The following EXD3 variants were observed in gnomAD, a reference collection of about 807,000 sequenced individuals.
EXD3 encodes exonuclease mut-7 homolog.
EXD3 carries 92 observed loss-of-function variants against 98.0 expected under a neutral mutation model. That is an observed-to-expected ratio of 0.94 (90% confidence interval 0.79 to 1.12). EXD3 has a LOEUF of 1.12. Ranked by LOEUF, EXD3 falls within the 50% of genes most tolerant of loss-of-function variation. The pLI is 0.00. For synonymous variants in EXD3, 569 were observed against 526.0 expected, an observed-to-expected ratio of 1.08 and a Z score of -1.12; for missense variants, 1,222 against 1,191.6, an observed-to-expected ratio of 1.03 and a Z score of -0.38.
At chr9:137,321,507 A>G (rs532871140) in intron 19 of EXD3, among the ~76,000 whole-genome samples, 7 of 152,308 alleles carry the variant, frequency 4.6e-5, no homozygotes, top group Admixed American at 1.3e-4. Context: ...ACATGGTGAA[A>G]CCCTGTCTCT....
At chr9:137,345,597 G>A (rs1342233451) in intron 17 of EXD3, 1 of 151,614 alleles carries the variant, frequency 6.6e-6, no homozygotes, top group Non-Finnish European at 1.5e-5. Flanking sequence ...GGGAGGCGGA[G>A]GTTGCAGTGG....
chr9:137,318,546 GT>G (rs988351703), intron 19 of EXD3, among the ~76,000 whole-genome samples: 16 of 151,788 alleles, frequency 1.1e-4, no homozygotes, highest in African/African-American at 2.9e-4. Context: ...CATGGTAAGG[GT>G]TTTTTTTTAA....
intron 3 of EXD3, among the ~76,000 whole-genome samples, chr9:137,381,567 C>T (rs1045300244): frequency 6.6e-6 from 1 of 152,182 alleles, no homozygotes; most frequent in South Asian, 2.1e-4. Context: ...CCTCCTCCTC[C>T]TGCCCGTCTC....
At chr9:137,308,717 A>C (rs1450731321) in intron 20 of EXD3, among the ~76,000 whole-genome samples, 1 of 146,444 alleles carries the variant, frequency 6.8e-6, no homozygotes, top group Non-Finnish European at 1.5e-5. Context: ...GCTCACTGCA[A>C]CCTCTGCCTC....
intron 2 of EXD3, among the ~76,000 whole-genome samples, chr9:137,387,089 T>C (rs548888547): frequency 5.3e-5 from 8 of 151,344 alleles, no homozygotes; most frequent in East Asian, 2.0e-4. Context: ...CCTTGCTTCC[T>C]GCCTGGCCCC....
At chr9:137,384,829 C>T (rs757105741) in intron 2 of EXD3, among the ~76,000 whole-genome samples, 2 of 152,292 alleles carry the variant, frequency 1.3e-5, no homozygotes, top group South Asian at 2.1e-4. Context: ...AAAACCCAGC[C>T]GGCTGTCATC....
chr9:137,409,874 C>T (rs1275674739), intron 1 of EXD3, among the ~76,000 whole-genome samples: 2 of 152,186 alleles, frequency 1.3e-5, no homozygotes, highest in Non-Finnish European at 2.9e-5. Context: ...TTGCAGCTTC[C>T]ACTTAAAATT....
intron 19 of EXD3, among the ~76,000 whole-genome samples, chr9:137,314,911 G>C (rs888780154): frequency 2.0e-5 from 3 of 152,216 alleles, no homozygotes; most frequent in Non-Finnish European, 4.4e-5. Context: ...CCTCGTGCGC[G>C]GGGAGACGTC....
chr9:137,383,829 G>A (rs1412313587), intron 2 of EXD3, among the ~76,000 whole-genome samples: 1 of 151,746 alleles, frequency 6.6e-6, no homozygotes, highest in Non-Finnish European at 1.5e-5. Flanking sequence ...GCCCTCCCGC[G>A]CCGCCCCCTC....
chr9:137,416,893 C>T (rs947205799), intron 1 of EXD3, among the ~76,000 whole-genome samples: 5 of 152,184 alleles, frequency 3.3e-5, no homozygotes, highest in African/African-American at 9.7e-5. Context: ...GAGCTGGGCT[C>T]GGGACTGATG....
intron 1 of EXD3, among the ~76,000 whole-genome samples, chr9:137,409,422 T>C (rs189107471): frequency 1.3e-3 from 197 of 152,322 alleles, no homozygotes; most frequent in African/African-American, 4.5e-3. Flanking sequence ...GTGTTTTAAG[T>C]TAACAGAAAA....
rs142478328 is a variant in EXD3 at position 137,369,912 on chromosome 9, C to T, written c.463-1923G>A. ...GGCCCACAGAAGCTCTCTGGGCACC[C>T]GGGGCCTCTTGAGGCCAGGTGGGCT... On this transcript the variant is annotated intron_variant, in intron 5 of 21. Transcript: ENST00000340951. 5.8e-3 allele frequency among the ~76,000 whole-genome samples: 890 copies of T among 152,356 alleles called. 5 individuals are homozygous for T. Among genetic ancestry groups the T allele is most frequent in the Non-Finnish European group, 9.6e-3 (655 of 68,036 alleles).
chr9:137,398,680 A>T (rs1452133058), intron 1 of EXD3, among the ~76,000 whole-genome samples: 5 of 150,458 alleles, frequency 3.3e-5, no homozygotes, highest in Admixed American at 1.3e-4. Context: ...TCCCCAAGAC[A>T]CACAGGCACC....
chr9:137,375,345 T>G (rs1369451114), intron 3 of EXD3, among the ~76,000 whole-genome samples: 1 of 152,176 alleles, frequency 6.6e-6, no homozygotes, highest in South Asian at 2.1e-4. Context: ...CTAGCTCTAG[T>G]GAGTTCCAGC....
chr9:137,318,081 G>A (rs1831795384), intron 19 of EXD3, among the ~76,000 whole-genome samples: 1 of 152,186 alleles, frequency 6.6e-6, no homozygotes, highest in Non-Finnish European at 1.5e-5. Flanking sequence ...GGCAGGAATG[G>A]GCGGCACTGG....
chr9:137,310,685 G>A (rs1831312662), intron 19 of EXD3, among the ~76,000 whole-genome samples: 1 of 152,290 alleles, frequency 6.6e-6, no homozygotes, highest in East Asian at 1.9e-4. Context: ...CAAAGAGACG[G>A]GTCAGATACC....
At chr9:137,321,934 G>A (rs1203617823) in intron 19 of EXD3, among the ~76,000 whole-genome samples, 2 of 152,170 alleles carry the variant, frequency 1.3e-5, no homozygotes, top group African/African-American at 4.8e-5. Flanking sequence ...ATGCCCAGGT[G>A]CCAGTTGGTG....
chr9:137,376,075 T>G (rs1382963622), intron 3 of EXD3, among the ~76,000 whole-genome samples: 1 of 152,168 alleles, frequency 6.6e-6, no homozygotes, highest in Non-Finnish European at 1.5e-5. Flanking sequence ...CCAGGCACGG[T>G]GGCTCATGCC....
intron 2 of EXD3, among the ~76,000 whole-genome samples, chr9:137,389,269 G>A (rs895631000): frequency 6.6e-5 from 10 of 152,194 alleles, no homozygotes; most frequent in East Asian, 3.9e-4. Context: ...TCGGCTCGCC[G>A]CAGAGGACCG....
Sources: gnomAD v4.1 joint callset for allele counts (sites outside exome capture counted in the v4.1 genomes callset) on GRCh38, gnomAD v4.1.1 for gene constraint, MANE v1.5 for transcripts, NCBI Gene and HGNC (gene_info 2026-07-23, HGNC 2026-07-21) for gene names.